The following IL10RB variants were observed in gnomAD, a reference collection of about 807,000 sequenced individuals.
IL10RB encodes interleukin 10 receptor subunit beta.
Under a neutral mutation model 38.7 loss-of-function variants are expected in IL10RB, and 30 were observed. The observed-to-expected ratio is 0.78, with a 90% CI of 0.58 to 1.05. IL10RB has a LOEUF of 1.05. Ranked by LOEUF, IL10RB falls within the 50% of genes least tolerant of loss-of-function variation. The probability of loss-of-function intolerance (pLI) is 0.00; values close to 1 mark genes in which losing one functional copy is unlikely to be tolerated. For missense variants in IL10RB, 328 were observed against 397.1 expected (o/e 0.83, Z 1.48); for synonymous variants, 142 against 145.9 (o/e 0.97, Z 0.19).
At chr21:33,303,354 T>TTTC (rs2082990783) in intron 1 of IL10RB, among the ~76,000 whole-genome samples, 1 of 53,328 alleles carries the variant, frequency 1.9e-5, no homozygotes, top group African/African-American at 6.8e-5. Flanking sequence ...TACTTTCTTT[T>TTTC]TTTTTTTTTT....
chr21:33,304,460 A>G (rs2082993584), intron 1 of IL10RB, among the ~76,000 whole-genome samples: 1 of 152,204 alleles, frequency 6.6e-6, no homozygotes, highest in Non-Finnish European at 1.5e-5. Flanking sequence ...TCCAGCCAAT[A>G]TCCATCCAGA....
downstream of IL10RB, among the ~76,000 whole-genome samples, chr21:33,298,748 A>G (rs1339492285): frequency 6.6e-6 from 1 of 152,228 alleles, no homozygotes; most frequent in Non-Finnish European, 1.5e-5. Flanking sequence ...GGAAAATATG[A>G]GTGGTTAGGA....
At chr21:33,292,112 A>C (rs1989500332) in intron 6 of IL10RB, among the ~76,000 whole-genome samples, 1 of 152,046 alleles carries the variant, frequency 6.6e-6, no homozygotes, top group Non-Finnish European at 1.5e-5. Context: ...CCTCAGGTCC[A>C]TCCTTCTTCC....
downstream of IL10RB, among the ~76,000 whole-genome samples, chr21:33,298,774 T>G (rs1350842526): frequency 6.6e-6 from 1 of 151,894 alleles, no homozygotes; most frequent in Admixed American, 6.5e-5. Context: ...GCCTGAAAAA[T>G]CAAGCTGCAA....
At chr21:33,285,217 C>T (rs913323415) in intron 5 of IL10RB, among the ~76,000 whole-genome samples, 16 of 152,084 alleles carry the variant, frequency 1.1e-4, no homozygotes, top group African/African-American at 3.9e-4. Flanking sequence ...TTCTTTATAG[C>T]AGTGCAAAAA....
chr21:33,270,740 C>T (rs1233167492), intron 2 of IL10RB, among the ~76,000 whole-genome samples: 9 of 148,770 alleles, frequency 6.0e-5, no homozygotes, highest in African/African-American at 2.2e-4. Context: ...AGTGGTACGA[C>T]CTCTGCTCAC....
intron 6 of IL10RB, among the ~76,000 whole-genome samples, chr21:33,295,273 G>A (rs1306355922): frequency 6.7e-6 from 1 of 149,280 alleles, no homozygotes; most frequent in Non-Finnish European, 1.5e-5. Flanking sequence ...CAGGGGAGTG[G>A]CGTGAACCCG....
At chr21:33,281,490 G>T (rs1268246938) in intron 4 of IL10RB, among the ~76,000 whole-genome samples, 2 of 152,184 alleles carry the variant, frequency 1.3e-5, no homozygotes, top group African/African-American at 4.8e-5. Context: ...GGCCAGTTGT[G>T]TGGCAACCTT....
At chr21:33,297,943 G>A (rs971528392), downstream of IL10RB, among the ~76,000 whole-genome samples, 6 of 152,194 alleles carry the variant, frequency 3.9e-5, no homozygotes, top group African/African-American at 1.2e-4. Flanking sequence ...AACTGTGGAG[G>A]CTGGCAAGTT....
chr21:33,291,647 G>A (rs1255446047), intron 6 of IL10RB, among the ~76,000 whole-genome samples: 2 of 152,128 alleles, frequency 1.3e-5, no homozygotes, highest in African/African-American at 2.4e-5. Flanking sequence ...GAAACCTTGG[G>A]AATCCTGACA....
At chr21:33,299,835 C>T (rs905174770), downstream of IL10RB, among the ~76,000 whole-genome samples, 2 of 152,194 alleles carry the variant, frequency 1.3e-5, no homozygotes, top group African/African-American at 2.4e-5. Flanking sequence ...ATTGAAAGGA[C>T]GTGCTTACCT....
intron 3 of IL10RB, among the ~76,000 whole-genome samples, chr21:33,278,999 A>G (rs1220210394): frequency 6.6e-6 from 1 of 152,266 alleles, no homozygotes; most frequent in Non-Finnish European, 1.5e-5. Flanking sequence ...CTGAAGCTAC[A>G]ACAATGAACG....
chr21:33,306,189 G>C (rs2082998535), intron 1 of IL10RB, among the ~76,000 whole-genome samples: 1 of 152,174 alleles, frequency 6.6e-6, no homozygotes, highest in Non-Finnish European at 1.5e-5. Flanking sequence ...GCCCAGAGAA[G>C]AATGGATCTG....
intron 2 of IL10RB, among the ~76,000 whole-genome samples, chr21:33,275,803 G>A (rs1413063641): frequency 1.3e-5 from 2 of 152,226 alleles, no homozygotes; most frequent in Non-Finnish European, 2.9e-5. Flanking sequence ...GAGAAGGAGA[G>A]AGGCAGGAGA....
At chr21:33,299,473 C>G (rs940620126), downstream of IL10RB, among the ~76,000 whole-genome samples, 2 of 152,238 alleles carry the variant, frequency 1.3e-5, no homozygotes, top group South Asian at 4.1e-4. Flanking sequence ...ATCCTCACCC[C>G]CTTCCACCCT....
chr21:33,272,266 C>T (rs889826892), intron 2 of IL10RB, among the ~76,000 whole-genome samples: 1 of 152,108 alleles, frequency 6.6e-6, no homozygotes, highest in African/African-American at 2.4e-5. Flanking sequence ...GGGCAGATTT[C>T]TTAGGCTCTC....
intron 6 of IL10RB, among the ~76,000 whole-genome samples, chr21:33,289,082 T>C (rs1989433723): frequency 6.6e-6 from 1 of 152,144 alleles, no homozygotes; most frequent in African/African-American, 2.4e-5. Flanking sequence ...CGAGCTGGGG[T>C]GGCCCTTTAG....
At chr21:33,300,963 G>A (rs944413770), downstream of IL10RB, among the ~76,000 whole-genome samples, 1 of 152,150 alleles carries the variant, frequency 6.6e-6, no homozygotes, top group African/African-American at 2.4e-5. Context: ...AATCCAGCAC[G>A]GAAAGACTCT....
intron 1 of IL10RB, chr21:33,308,952 T>C (rs966706429): frequency 6.6e-6 from 1 of 152,262 alleles, no homozygotes; most frequent in Non-Finnish European, 1.5e-5. Flanking sequence ...TTTTCTGTGT[T>C]GTTGTGACTT....
Sources: gnomAD v4.1 joint callset for allele counts (sites outside exome capture counted in the v4.1 genomes callset) on GRCh38, gnomAD v4.1.1 for gene constraint, MANE v1.5 for transcripts, NCBI Gene and HGNC (gene_info 2026-07-23, HGNC 2026-07-21) for gene names.